Variants in SYT8 observed in about 807,000 individuals in gnomAD.
SYT8 encodes the protein synaptotagmin-8.
In SYT8, 50 loss-of-function variants were observed where a neutral mutation model predicts 34.9. That is an observed-to-expected ratio of 1.43 (90% CI 1.14 to 1.81). The LOEUF (loss-of-function observed/expected upper bound fraction) is 1.81, where lower values mean the gene tolerates loss of function less well. Among genes scored for constraint, SYT8 ranks in the 40% most tolerant of loss-of-function variants. The probability of loss-of-function intolerance (pLI) is 0.00; values close to 1 mark genes in which losing one functional copy is unlikely to be tolerated. For synonymous variants in SYT8, 255 were observed against 234.2 expected (o/e 1.09, Z -0.81); for missense variants, 595 against 529.0 (o/e 1.12, Z -1.22).
chr11:1,832,483 C>T (rs1161284149), upstream of SYT8, among the ~76,000 whole-genome samples: 1 of 152,086 alleles, frequency 6.6e-6, no homozygotes, highest in Non-Finnish European at 1.5e-5. Context: ...AGAGCAGCCC[C>T]GGGAGGCTCA....
chr11:1,831,796 C>T (rs1199580146), upstream of SYT8: 1 of 456,000 alleles, frequency 2.2e-6, no homozygotes, highest in East Asian at 6.9e-5. Flanking sequence ...GAGAGAGTTC[C>T]CCGTCACCAG....
upstream of SYT8, chr11:1,834,412 C>G (rs1019666674): frequency 5.5e-5 from 38 of 693,620 alleles, no homozygotes; most frequent in East Asian, 4.2e-4. This position sits in a 1 kb window ranked among gnomAD's most constrained non-coding sequence, Gnocchi z 4.5. Context: ...CTGCCACCAC[C>G]TCACCTTCAT....
Position 1,837,073 on chromosome 11 carries a change from C to T in SYT8, c.907C>T (p.Pro303Ser), listed in dbSNP as rs1846986504. The change falls in exon 7 of 8, where the codon CCC (proline) becomes TCC (serine). Residue 303 changes from proline (P) to serine (S), a missense_variant. Coordinates refer to ENST00000341958, the MANE Select transcript of SYT8 (RefSeq NM_001394072.1). The part of the protein sequence containing the change: ...YFNEAFTFLV[P>S]FSQVQNVDLV... ...CAATGAGGCCTTCACCTTCCTGGTG[C>T]CCTTCAGCCAGGTCCAGGTGGGCCA... 1.2e-6 allele frequency: 2 copies of T among 1,613,598 alleles called. No individual in the cohort carries two copies. Among genetic ancestry groups the T allele is most frequent in the Non-Finnish European group, 1.7e-6 (2 of 1,179,990 alleles).
Position 1,835,017 on chromosome 11 carries a change from G to T in SYT8, c.-89G>T. 1.5e-6 allele frequency: 2 copies of T among 1,374,950 alleles called. No individual in the cohort carries two copies. 85.2% of individuals were successfully genotyped at this position (1,374,950 alleles called of 1,614,324 possible). A position where few individuals can be genotyped will look rare whatever the true frequency, so the allele number is the denominator to read the frequency against. On this transcript the variant is annotated 5_prime_UTR_variant, in exon 1 of 8. Transcript: ENST00000341958. Reference sequence around the variant, plus strand: ...ACCCAGCACTGGCTGCTGCTAGTCAGATGGGGTAGCGGGCAGGGGCCGGAG... The same window carrying T: ...ACCCAGCACTGGCTGCTGCTAGTCATATGGGGTAGCGGGCAGGGGCCGGAG...
chr11:1,835,426 G>C lies in SYT8; in HGVS notation c.225G>C (p.Leu75=). 6.2e-7 allele frequency: 1 copy of C among 1,609,786 alleles called. No individual in the cohort carries two copies. Among genetic ancestry groups the C allele is most frequent in the Non-Finnish European group, 8.5e-7 (1 of 1,179,612 alleles). Residue 75 remains leucine, a synonymous_variant, in exon 2 of 8, where the codon CTG becomes CTC. Coordinates refer to ENST00000341958, the MANE Select transcript of SYT8 (RefSeq NM_001394072.1). ...CCAGGGACAAGGAGTCCGTGGGTCT[G>C]GGCAGTGCCCGCGGCACCACCACCA... ...KKPRDKESVG[L]GSARGTTTTH...
chr11:1,832,658 T>C (rs2133006432), upstream of SYT8, among the ~76,000 whole-genome samples: 1 of 152,242 alleles, frequency 6.6e-6, no homozygotes, highest in South Asian at 2.1e-4. Context: ...TGCACCTCCC[T>C]GGGGTCCCGG....
intron 2 of SYT8, 56 bp from the exon 3 acceptor site, chr11:1,835,830 G>C: frequency 1.4e-6 from 2 of 1,477,130 alleles, no homozygotes; most frequent in East Asian, 2.3e-5. Context: ...GGGAGCCCAG[G>C]GCTCTGATGA....
chr11:1,836,597 G>C lies in SYT8; in HGVS notation c.684+5G>C. 1 of 1,610,018 alleles carries C rather than the reference G, an allele frequency of 6.2e-7. No homozygotes were observed. Among genetic ancestry groups the C allele is most frequent in the Non-Finnish European group, 8.5e-7 (1 of 1,178,752 alleles). On this transcript the variant is annotated splice_donor_5th_base_variant and intron_variant, in intron 5 of 7. Coordinates refer to ENST00000341958, the MANE Select transcript of SYT8 (RefSeq NM_001394072.1). ...GGCCCGCCGGCTGCCACTCAGGTGA[G>C]GTGCTGGTCACCAGGCCACAGCCCA...
upstream of SYT8, among the ~76,000 whole-genome samples, chr11:1,832,628 G>T (rs1846709643): frequency 6.6e-6 from 1 of 152,138 alleles, no homozygotes. Flanking sequence ...GCCACCTGGT[G>T]GCCATGCGCC....
chr11:1,834,154 G>C, upstream of SYT8: 1 of 237,048 alleles, frequency 4.2e-6, no homozygotes, highest in Non-Finnish European at 8.3e-6. The surrounding 1 kb of genome is among the most constrained non-coding windows in gnomAD (Gnocchi z 4.5). Context: ...TGGGCCTGGG[G>C]TCACCGTAGG....
chr11:1,836,148 C>T lies in SYT8; in HGVS notation c.380C>T (p.Ala127Val), dbSNP rs764771461. ...CAGATCAGGGTGGGCCTGAGGCAGG[C>T]AGCCGACCTGAGGCCTGGGGGCACC... is the stretch of plus-strand genomic sequence containing the variant. The part of the protein sequence containing the change: ...SQEIRVGLRQ[A>V]ADLRPGGTVD... The change falls in exon 4 of 8, where the codon GCA becomes GTA. Residue 127 changes from alanine to valine, a missense_variant. Transcript: ENST00000341958. The T allele has an allele frequency of 1.3e-6, 2 of 1,505,380 alleles. No homozygotes were observed. The highest frequency in any genetic ancestry group is 1.8e-6 in the Non-Finnish European group (2 of 1,127,738). 93.3% of individuals were successfully genotyped at this position (1,505,380 alleles called of 1,614,324 possible). A position where few individuals can be genotyped will look rare whatever the true frequency, so the allele number is the denominator to read the frequency against.
At chr11:1,831,809 G>C (rs1368616840), upstream of SYT8, 2 of 455,842 alleles carry the variant, frequency 4.4e-6, no homozygotes, top group Non-Finnish European at 8.8e-6. Context: ...GTCACCAGAG[G>C]CAGTGCTGTC....
rs746372177 is a variant in SYT8, at chr11:1,837,274, G to A, written c.1007G>A (p.Arg336Gln). 1.3e-5 allele frequency: 21 copies of A among 1,584,994 alleles called. No homozygotes were observed. The highest frequency in any genetic ancestry group is 9.0e-5 in the South Asian group (8 of 88,920). ...EPVGKVHLGA[R>Q]ASGQPLQHWA... Reference sequence around the variant, plus strand: ...GTAGGCAAGGTGCACCTGGGTGCCCGGGCCTCGGGGCAGCCCCTGCAGCAC... The same window carrying A: ...GTAGGCAAGGTGCACCTGGGTGCCCAGGCCTCGGGGCAGCCCCTGCAGCAC... The change falls in exon 8 of 8, where the codon CGG becomes CAG. Residue 336 changes from arginine to glutamine, a missense_variant. Physicochemically the swap from Arg to Gln is conservative, Grantham distance 43 (BLOSUM62 1). Transcript: ENST00000341958.
At chr11:1,835,755 T>A (rs562401) in intron 2 of SYT8, 131 bp from the exon 3 acceptor site, 318,987 of 848,556 alleles carry the variant, frequency 0.38, 65,495 homozygotes, top group East Asian at 0.65. Flanking sequence ...GCCGACGATT[T>A]GTGCCTGTTG....
chr11:1,837,374 C>A lies in SYT8; in HGVS notation c.1107C>A (p.Asp369Glu). 6.3e-7 allele frequency: 1 copy of A among 1,599,190 alleles called. No individual in the cohort carries two copies. The highest frequency in any genetic ancestry group is 1.7e-4 in the Middle Eastern group (1 of 6,052). The change falls in exon 8 of 8, where the codon GAC (aspartate) becomes GAA (glutamate). Residue 369 changes from aspartate (D) to glutamate (E), a missense_variant. By Grantham distance (45) the Asp-to-Glu change is conservative. Coordinates refer to ENST00000341958, the MANE Select transcript of SYT8 (RefSeq NM_001394072.1). ...CCCTGCGGCCAGCCAGGGAGGTGGACCGCATGCTGGCCCTGCAGCCCCGCC... is the reference window on the plus strand; with the variant it reads ...CCCTGCGGCCAGCCAGGGAGGTGGAACGCATGCTGGCCCTGCAGCCCCGCC... ...RHPLRPAREV[D>E]RMLALQPRLR...
upstream of SYT8, chr11:1,834,230 C>A: frequency 2.3e-6 from 1 of 430,364 alleles, no homozygotes; most frequent in Admixed American, 4.2e-5. This position sits in a 1 kb window ranked among gnomAD's most constrained non-coding sequence, Gnocchi z 4.5. Context: ...GGTGTGCTCC[C>A]TCCCCAGGCC....
chr11:1,834,609 C>G, upstream of SYT8: 1 of 1,587,302 alleles, frequency 6.3e-7, no homozygotes, highest in Non-Finnish European at 8.6e-7. The surrounding 1 kb of genome is among the most constrained non-coding windows in gnomAD (Gnocchi z 4.5). Context: ...ATGGTGGGCC[C>G]CAGCTGTGGT....
rs144532203 is a variant in SYT8 at position 1,835,186 on chromosome 11, C to A, written c.81C>A (p.Val27=). 17 of 1,613,178 alleles carry A rather than the reference C, an allele frequency of 1.1e-5. No homozygotes were observed. The highest frequency in any genetic ancestry group is 1.2e-5 in the Non-Finnish European group (14 of 1,179,886). The change falls in exon 1 of 8, where the codon GTC becomes GTA. Residue 27 remains valine, a synonymous_variant. Coordinates refer to ENST00000341958, the MANE Select transcript of SYT8 (RefSeq NM_001394072.1). ...TAIPGLIPDL[V]AGTPWPRWAL... ...TACCTGGGCTTATTCCAGACCTTGT[C>A]GCCGGGACCCCCTGTGAGTTGTGGG...
At chr11:1,832,667 G>C (rs946698711), upstream of SYT8, among the ~76,000 whole-genome samples, 1 of 152,086 alleles carries the variant, frequency 6.6e-6, no homozygotes, top group African/African-American at 2.4e-5. Flanking sequence ...CTGGGGTCCC[G>C]GCGGTCCGGA....
Sources: gnomAD v4.1 joint callset for allele counts (sites outside exome capture counted in the v4.1 genomes callset) on GRCh38, gnomAD v4.1.1 for gene constraint, Gnocchi (gnomAD v3.1) non-coding constraint, MANE v1.5 for transcripts, NCBI Gene and HGNC (gene_info 2026-07-23, HGNC 2026-07-21) for gene names.